The following ARHGAP32 variants were observed in gnomAD, a reference collection of about 807,000 sequenced individuals.
ARHGAP32 encodes rho GTPase-activating protein 32.
A neutral mutation model predicts 186.5 loss-of-function variants in ARHGAP32; 51 were observed. That is an observed-to-expected ratio of 0.27 (90% confidence interval 0.22 to 0.35). The LOEUF is 0.35. ARHGAP32 is among the 10% of genes least tolerant of loss of function. The probability of loss-of-function intolerance (pLI) is 1.00; values close to 1 mark genes in which losing one functional copy is unlikely to be tolerated. For synonymous variants in ARHGAP32, 950 were observed against 964.3 expected (o/e 0.99, Z 0.27); for missense variants, 2,186 against 2,623.5 (o/e 0.83, Z 3.64).
intron 10 of ARHGAP32, among the ~76,000 whole-genome samples, chr11:129,059,535 T>G (rs951410621): frequency 6.9e-6 from 1 of 145,430 alleles, no homozygotes; most frequent in Non-Finnish European, 1.5e-5. Context: ...AGTCTTGCTC[T>G]GTCACCCAAG....
chr11:129,034,381 G>A (rs989976661), intron 11 of ARHGAP32, among the ~76,000 whole-genome samples: 3 of 152,112 alleles, frequency 2.0e-5, no homozygotes, highest in Non-Finnish European at 4.4e-5. Context: ...CAGAGGGAAG[G>A]TTGCCTAAAT....
At chr11:129,241,103 G>C (rs1945011297) in intron 1 of ARHGAP32, among the ~76,000 whole-genome samples, 1 of 151,932 alleles carries the variant, frequency 6.6e-6, no homozygotes, top group Admixed American at 6.6e-5. Context: ...TGGGGATCTT[G>C]GTACCTATGA....
intron 5 of ARHGAP32, among the ~76,000 whole-genome samples, chr11:129,097,435 CATT>C (rs1226980698): frequency 6.6e-6 from 1 of 151,894 alleles, no homozygotes; most frequent in African/African-American, 2.4e-5. Context: ...GTCAAGGAAA[CATT>C]ATATAAACAA....
At chr11:129,060,881 A>G (rs1298534413) in intron 10 of ARHGAP32, among the ~76,000 whole-genome samples, 1 of 152,136 alleles carries the variant, frequency 6.6e-6, no homozygotes, top group Admixed American at 6.6e-5. Flanking sequence ...TTAATCTTCA[A>G]GATAATCATG....
At chr11:129,171,856 T>C (rs1166610645) in intron 1 of ARHGAP32, among the ~76,000 whole-genome samples, 1 of 152,142 alleles carries the variant, frequency 6.6e-6, no homozygotes, top group Non-Finnish European at 1.5e-5. Flanking sequence ...TGAGCAGTGG[T>C]TTGTAGTTCT....
intron 2 of ARHGAP32, among the ~76,000 whole-genome samples, chr11:129,156,500 C>T (rs1392557201): frequency 2.6e-5 from 4 of 152,208 alleles, no homozygotes; most frequent in Non-Finnish European, 4.4e-5. Flanking sequence ...GCAGAGCCAA[C>T]CACAGAGCCA....
At chr11:129,002,804 G>C (rs924634269) in intron 11 of ARHGAP32, among the ~76,000 whole-genome samples, 1 of 99,224 alleles carries the variant, frequency 1.0e-5, no homozygotes, top group East Asian at 3.0e-4. Flanking sequence ...AAGGGATGTT[G>C]ATTTTTTTTT....
In ARHGAP32 at chr11:128,970,873, T is replaced by A. The variant is rs1302758378; in HGVS notation, c.4340A>T (p.Asp1447Val). 1.2e-6 allele frequency: 2 copies of A among 1,614,232 alleles called. No homozygotes were observed. The highest frequency in any genetic ancestry group is 1.7e-6 in the Non-Finnish European group (2 of 1,180,038). ...ATGATAATTTGAACTGCTGGTGGCA[T>A]CTGCACTGCTGGAGTGTATGGCAGC... ...MIAAIHSSSA[D>V]ATSSSNYHSF... The change falls in exon 23 of 23, where the codon GAT becomes GTT. Residue 1447 changes from aspartate (D) to valine (V), a missense_variant. Physicochemically the swap from Asp to Val is radical, Grantham distance 152. Around this residue, in one of 5 missense-constraint regions of ARHGAP32, gnomAD observed 1,502 missense variants for 1,570.0 expected, o/e 0.96. Coordinates refer to ENST00000682385, the MANE Select transcript of ARHGAP32 (RefSeq NM_001378024.1). The surrounding 1 kb of genome is among the most constrained non-coding windows in gnomAD (Gnocchi z 5.8).
At chr11:129,214,356 C>T (rs889906003) in intron 1 of ARHGAP32, among the ~76,000 whole-genome samples, 5 of 152,150 alleles carry the variant, frequency 3.3e-5, no homozygotes, top group Non-Finnish European at 5.9e-5. Context: ...ATGAGGTCAA[C>T]GAGAAGTCTC....
At chr11:129,185,241 G>A (rs1341432793) in intron 1 of ARHGAP32, among the ~76,000 whole-genome samples, 3 of 152,178 alleles carry the variant, frequency 2.0e-5, no homozygotes, top group Non-Finnish European at 4.4e-5. Flanking sequence ...AGAAAATGTG[G>A]CACATATACA....
At chr11:128,985,850 G>GTATATATA (rs1421146133) in intron 15 of ARHGAP32, 153 bp downstream of exon 15, 1 of 130,324 alleles carries the variant, frequency 7.7e-6, no homozygotes, top group Non-Finnish European at 1.4e-5. Context: ...GTGTGTGTGT[G>GTATATATA]TGTGTGTGTA....
intron 11 of ARHGAP32, chr11:129,023,816 TG>T: frequency 1.1e-6 from 1 of 883,112 alleles, no homozygotes; most frequent in Non-Finnish European, 1.4e-6. Context: ...TTCTGAATGT[TG>T]CTTGAGTCAA....
At chr11:128,992,426 T>TCAC (rs111702287) in intron 12 of ARHGAP32, among the ~76,000 whole-genome samples, 28,627 of 151,414 alleles carry the variant, frequency 0.19, 2,893 homozygotes, top group Non-Finnish European at 0.22. Context: ...TAACGTCACA[T>TCAC]CACCACCACC....
intron 10 of ARHGAP32, among the ~76,000 whole-genome samples, chr11:129,045,006 C>T (rs981112578): frequency 6.6e-6 from 1 of 152,128 alleles, no homozygotes; most frequent in African/African-American, 2.4e-5. Context: ...AAATTCATCA[C>T]AATGAATTAG....
At chr11:129,023,776 A>C in intron 11 of ARHGAP32, 6 of 536,438 alleles carry the variant, frequency 1.1e-5, no homozygotes, top group Non-Finnish European at 1.4e-5. Flanking sequence ...ATGTGCCCAA[A>C]TATAATCTAA....
At chr11:129,156,682 C>T (rs374698162) in intron 2 of ARHGAP32, among the ~76,000 whole-genome samples, 44 of 152,318 alleles carry the variant, frequency 2.9e-4, no homozygotes, top group African/African-American at 1.0e-3. Context: ...TGCCTGCCAA[C>T]TCTGAAGAGA....
At chr11:129,034,134 C>T (rs1307433724) in intron 11 of ARHGAP32, among the ~76,000 whole-genome samples, 4 of 152,112 alleles carry the variant, frequency 2.6e-5, no homozygotes, top group Non-Finnish European at 5.9e-5. Context: ...GGGCATTTTT[C>T]AGCAACTCTG....
intron 1 of ARHGAP32, among the ~76,000 whole-genome samples, chr11:129,201,019 C>T (rs1410757381): frequency 6.6e-6 from 1 of 152,110 alleles, no homozygotes; most frequent in Non-Finnish European, 1.5e-5. Context: ...TGAATTATTT[C>T]CATGAATGTG....
chr11:129,233,445 G>A (rs1944885393), intron 1 of ARHGAP32, among the ~76,000 whole-genome samples: 1 of 152,110 alleles, frequency 6.6e-6, no homozygotes, highest in African/African-American at 2.4e-5. Flanking sequence ...CACAATTGGT[G>A]TGAATACAAA....
Sources: gnomAD v4.1 joint callset for allele counts (sites outside exome capture counted in the v4.1 genomes callset) on GRCh38, gnomAD v4.1.1 for gene constraint, gnomAD v4.1.1 regional missense constraint, Gnocchi (gnomAD v3.1) non-coding constraint, MANE v1.5 for transcripts, NCBI Gene and HGNC (gene_info 2026-07-23, HGNC 2026-07-21) for gene names.